ARHGEF28: variants seen among roughly 807,000 people sequenced by gnomAD.
The protein encoded by ARHGEF28 is Rho guanine nucleotide exchange factor 28.
Under a neutral mutation model 206.6 loss-of-function variants are expected in ARHGEF28, and 152 were observed. The ratio of observed to expected loss-of-function variants is 0.74; its 90% confidence interval spans 0.64 to 0.84. ARHGEF28 has a LOEUF of 0.84. Ranked by LOEUF, ARHGEF28 falls within the 40% of genes least tolerant of loss-of-function variation. ARHGEF28 has a pLI of 0.00. For missense variants in ARHGEF28, 2,028 were observed against 2,073.2 expected, an observed-to-expected ratio of 0.98 and a Z score of 0.42; for synonymous variants, 763 against 776.4, an observed-to-expected ratio of 0.98 and a Z score of 0.29.
Position 73,642,084 on chromosome 5 carries a change from A to G in ARHGEF28, c.-12+15762A>G, listed in dbSNP as rs116302788. Among the ~76,000 whole-genome samples the G allele has an allele frequency of 9.2e-3, 1,395 of 152,300 alleles. 7 individuals carry two copies. Among genetic ancestry groups the G allele is most frequent in the Non-Finnish European group, 0.015 (1,010 of 68,024 alleles). On this transcript the variant is annotated intron_variant, in intron 1 of 35. Coordinates refer to ENST00000513042, the MANE Select transcript of ARHGEF28 (RefSeq NM_001177693.2). ...CATCACTTTCCTTTGCAGCCTCTAT[A>G]GAAGGCTTGGAGCGGGGGAATCCTG...
At chr5:73,768,731 A>T (rs1345771090) in intron 4 of ARHGEF28, among the ~76,000 whole-genome samples, 2 of 151,998 alleles carry the variant, frequency 1.3e-5, no homozygotes. Context: ...TAAGACTTTG[A>T]GGGACCATTG....
chr5:73,760,377 T>C (rs1037480647), intron 4 of ARHGEF28, among the ~76,000 whole-genome samples: 2 of 152,152 alleles, frequency 1.3e-5, no homozygotes, highest in African/African-American at 4.8e-5. Context: ...TATGTTTCTC[T>C]TGGAAATCTT....
chr5:73,933,385 C>T (rs1185268845), intron 35 of ARHGEF28, among the ~76,000 whole-genome samples: 1 of 152,180 alleles, frequency 6.6e-6, no homozygotes, highest in Non-Finnish European at 1.5e-5. Context: ...CGTAGGTTCA[C>T]ACAATTTGTG....
At chr5:73,891,962 T>C in intron 26 of ARHGEF28, 90 bp from the exon 27 acceptor site, 3 of 1,205,120 alleles carry the variant, frequency 2.5e-6, no homozygotes, top group Non-Finnish European at 3.5e-6. Flanking sequence ...AAGGTTTACC[T>C]AGTACTCTTG....
chr5:73,755,631 C>T (rs1436602454), intron 4 of ARHGEF28, among the ~76,000 whole-genome samples: 2 of 152,274 alleles, frequency 1.3e-5, no homozygotes, highest in East Asian at 1.9e-4. Flanking sequence ...GAAATACATT[C>T]ATACTCTCTA....
chr5:73,859,221 A>G (rs1043014873), intron 16 of ARHGEF28, among the ~76,000 whole-genome samples: 1 of 152,244 alleles, frequency 6.6e-6, no homozygotes, highest in Non-Finnish European at 1.5e-5. Flanking sequence ...TGGCTAGAAC[A>G]ATACCTTGTA....
intron 2 of ARHGEF28, among the ~76,000 whole-genome samples, chr5:73,733,689 C>CA (rs1284770800): frequency 2.0e-5 from 3 of 151,994 alleles, no homozygotes; most frequent in Non-Finnish European, 4.4e-5. Flanking sequence ...CATCATTTGA[C>CA]AACTATTACA....
intron 4 of ARHGEF28, among the ~76,000 whole-genome samples, chr5:73,757,790 G>A (rs1391572318): frequency 6.6e-6 from 1 of 152,160 alleles, no homozygotes; most frequent in African/African-American, 2.4e-5. Flanking sequence ...ATAGTGCCTT[G>A]TGCAGGGTCT....
At chr5:73,847,704 C>T (rs918813137) in intron 12 of ARHGEF28, among the ~76,000 whole-genome samples, 2 of 152,210 alleles carry the variant, frequency 1.3e-5, no homozygotes, top group Admixed American at 6.5e-5. Flanking sequence ...TGCCTTGCCT[C>T]TGTAATTAAC....
At chr5:73,702,479 A>T (rs370415697) in intron 2 of ARHGEF28, among the ~76,000 whole-genome samples, 1 of 152,128 alleles carries the variant, frequency 6.6e-6, no homozygotes, top group African/African-American at 2.4e-5. Flanking sequence ...CTTTGCCTCT[A>T]TGAATTTTAT....
intron 1 of ARHGEF28, among the ~76,000 whole-genome samples, chr5:73,647,388 G>T (rs1337055660): frequency 6.6e-6 from 1 of 152,082 alleles, no homozygotes. Flanking sequence ...CAAGCATTTT[G>T]GATAAGGAAT....
intron 1 of ARHGEF28, among the ~76,000 whole-genome samples, chr5:73,659,156 A>AT (rs1745426938): frequency 6.6e-6 from 1 of 152,132 alleles, no homozygotes; most frequent in Non-Finnish European, 1.5e-5. Flanking sequence ...AAAGATCAAG[A>AT]TTTTAAACTC....
chr5:73,647,477 T>C (rs1169538466), intron 1 of ARHGEF28, among the ~76,000 whole-genome samples: 1 of 152,258 alleles, frequency 6.6e-6, no homozygotes, highest in Non-Finnish European at 1.5e-5. Context: ...TGATGTAGTC[T>C]TTAGCTTAGC....
intron 2 of ARHGEF28, among the ~76,000 whole-genome samples, chr5:73,749,399 G>A (rs188296546): frequency 2.6e-5 from 4 of 152,298 alleles, no homozygotes; most frequent in African/African-American, 9.6e-5. Context: ...GGGTGTGGTG[G>A]CACATCCTTG....
chr5:73,709,715 C>A (rs1749135189), intron 2 of ARHGEF28, among the ~76,000 whole-genome samples: 2 of 152,170 alleles, frequency 1.3e-5, no homozygotes, highest in South Asian at 4.1e-4. Context: ...TTCTGGGCAG[C>A]AGATGCAGTT....
At position 73,881,385 on chromosome 5, in the gene ARHGEF28, A is replaced by G. The variant is rs540114496; in HGVS notation, c.2815-1087A>G. 2.0e-5 allele frequency among the ~76,000 whole-genome samples: 3 copies of G among 152,346 alleles called. No individual in the cohort carries two copies. The South Asian group carries it at 6.2e-4, about 32-fold the overall frequency. ...CTAAAACTGTATATCAGTTTGAAGA[A>G]AATTGACATCTTTACTATTTTGAGT... On this transcript the variant is annotated intron_variant, in intron 22 of 35. Transcript: ENST00000513042.
At chr5:73,634,713 T>C (rs1388093627) in intron 1 of ARHGEF28, among the ~76,000 whole-genome samples, 1 of 152,232 alleles carries the variant, frequency 6.6e-6, no homozygotes, top group East Asian at 1.9e-4. Context: ...TCAGACCAGC[T>C]TGATGCTCTC....
chr5:73,882,110 C>G (rs1343425953), intron 22 of ARHGEF28, among the ~76,000 whole-genome samples: 1 of 151,864 alleles, frequency 6.6e-6, no homozygotes, highest in African/African-American at 2.4e-5. Context: ...TTCCTGAAGG[C>G]CCCTAAATGT....
rs115597345 is a variant in ARHGEF28, at chr5:73,846,289, C to T, written c.1449C>T (p.Asp483=). 4.3e-4 allele frequency: 701 copies of T among 1,613,490 alleles called. 4 individuals are homozygous for T. The African/African-American group carries it at 8.3e-3, about 19-fold the overall frequency. ...KKRSSSLDAL[D]ADSEGEGHSE... ...TTAGTTCTAGCCTTGATGCCTTGGA[C>T]GCCGACAGTGAAGGGGAAGGGCATT... The change falls in exon 12 of 36, where the codon GAC becomes GAT. Residue 483 remains aspartate (D), a synonymous_variant. Transcript: ENST00000513042.
Sources: allele counts gnomAD v4.1 joint callset (sites outside exome capture counted in the v4.1 genomes callset), GRCh38; gene constraint gnomAD v4.1.1; transcripts MANE v1.5; gene names NCBI Gene and HGNC (gene_info 2026-07-23, HGNC 2026-07-21).